The following STRA8 variants were observed in gnomAD, a reference collection of about 807,000 sequenced individuals.
The protein encoded by STRA8 is stimulated by retinoic acid 8.
STRA8 carries 18 observed loss-of-function variants against 37.1 expected under a neutral mutation model. The ratio of observed to expected loss-of-function variants is 0.48; its 90% confidence interval spans 0.34 to 0.72. The LOEUF is 0.72. Ranked by LOEUF, STRA8 falls within the 30% of genes least tolerant of loss-of-function variation. The pLI is 0.01. For missense variants in STRA8, 357 were observed against 410.4 expected (o/e 0.87, Z 1.13); for synonymous variants, 168 against 162.9 (o/e 1.03, Z -0.24).
chr7:135,258,244 T>G (rs1832729264), intron 8 of STRA8, among the ~76,000 whole-genome samples, 174 bp from the exon 9 acceptor site: 1 of 124,508 alleles, frequency 8.0e-6, no homozygotes, highest in South Asian at 2.4e-4. Context: ...AAATGGGACC[T>G]TCCCCCCTTA....
chr7:135,252,013 AGTGTGTGT>A (rs59621186), intron 7 of STRA8, 144 bp downstream of exon 7: 24 of 505,290 alleles, frequency 4.7e-5, no homozygotes, highest in Middle Eastern at 5.7e-4. Context: ...AGAGAGAGAG[AGTGTGTGT>A]GTGTGTGTGT....
At chr7:135,257,913 T>C (rs1020536721) in intron 8 of STRA8, among the ~76,000 whole-genome samples, 2 of 152,250 alleles carry the variant, frequency 1.3e-5, no homozygotes, top group Non-Finnish European at 2.9e-5. Flanking sequence ...TCCAAAGATA[T>C]TCTACAGATA....
chr7:135,245,295 TCAAA>T lies in STRA8; in HGVS notation c.364_367del (p.Asn122ValfsTer59). ...TTCTGTTTTCTTTCCCAGCCTGCTT[TCAAA>T]CAGTTTTCCTCAGAATGGTTCCTCC... On this transcript the variant is annotated frameshift_variant, in exon 5 of 9. Coordinates refer to ENST00000662584, the MANE Select transcript of STRA8 (RefSeq NM_001394401.1). LOFTEE classifies it high-confidence loss of function. 1 of 781,056 alleles carries T rather than the reference TCAAA, an allele frequency of 1.3e-6. No individual in the cohort carries two copies. Among genetic ancestry groups the T allele is most frequent in the Non-Finnish European group, 2.4e-6 (1 of 418,128 alleles). The allele number at this position is 781,056 out of a possible 1,614,324, so 48.4% of individuals were successfully genotyped here. A position where few individuals can be genotyped will look rare whatever the true frequency, so the allele number is the denominator to read the frequency against.
intron 1 of STRA8, among the ~76,000 whole-genome samples, chr7:135,239,742 G>A (rs1376291304): frequency 1.3e-5 from 2 of 152,280 alleles, no homozygotes; most frequent in South Asian, 2.1e-4. Context: ...CTTCTGGCTT[G>A]TAAGCTCAGA....
At chr7:135,254,330 C>T (rs1389657583) in intron 7 of STRA8, among the ~76,000 whole-genome samples, 1 of 152,206 alleles carries the variant, frequency 6.6e-6, no homozygotes, top group Non-Finnish European at 1.5e-5. Context: ...CCAGAGGGTT[C>T]CTCATCCCGG....
At chr7:135,258,166 G>A (rs545867531) in intron 8 of STRA8, among the ~76,000 whole-genome samples, 1 of 152,294 alleles carries the variant, frequency 6.6e-6, no homozygotes. Flanking sequence ...AAATCCCCAG[G>A]ATAAAAAAGA....
upstream of STRA8, among the ~76,000 whole-genome samples, chr7:135,232,617 C>T (rs1160316315): frequency 1.3e-5 from 2 of 151,794 alleles, no homozygotes; most frequent in South Asian, 2.1e-4. Context: ...GAACGAGAAC[C>T]TGTCTCAGGA....
intron 8 of STRA8, among the ~76,000 whole-genome samples, chr7:135,255,910 G>A (rs1174146502): frequency 6.6e-5 from 10 of 152,206 alleles, no homozygotes; most frequent in Non-Finnish European, 1.5e-4. Flanking sequence ...AAAACGCTGG[G>A]CTATTTCATC....
At chr7:135,258,013 G>A (rs1232300351) in intron 8 of STRA8, among the ~76,000 whole-genome samples, 1 of 152,220 alleles carries the variant, frequency 6.6e-6, no homozygotes, top group Non-Finnish European at 1.5e-5. Context: ...CCCACAGAGA[G>A]CACGCTGTCT....
At chr7:135,240,752 A>C in intron 2 of STRA8, 36 bp downstream of exon 2, 8 of 1,603,060 alleles carry the variant, frequency 5.0e-6, no homozygotes, top group Non-Finnish European at 5.1e-6. Flanking sequence ...GGACATCTCC[A>C]CGGGGAAGGA....
chr7:135,234,096 TGATG>T (rs1832333140), intron 1 of STRA8, among the ~76,000 whole-genome samples, 193 bp downstream of exon 1: 6 of 149,830 alleles, frequency 4.0e-5, no homozygotes, highest in South Asian at 2.1e-4. Flanking sequence ...ATGATGATGA[TGATG>T]ATGATTATTA....
At chr7:135,236,090 A>G (rs1832372611) in intron 1 of STRA8, among the ~76,000 whole-genome samples, 1 of 151,910 alleles carries the variant, frequency 6.6e-6, no homozygotes, top group Non-Finnish European at 1.5e-5. Flanking sequence ...CAATGGAGCG[A>G]GACCCTATCT....
rs191341117 is a variant in STRA8 at position 135,235,599 on chromosome 7, G to A, written c.-7+1696G>A. Among the ~76,000 whole-genome samples, 12 of 151,956 alleles carry A rather than the reference G, an allele frequency of 7.9e-5. No individual in the cohort carries two copies. In the East Asian group the frequency reaches 1.9e-3, roughly 25 times the overall value. ...TGAGATTACAGTTGCTTGCCACCACGCCAGCTAATTTTTCTATTTTTAGTA... is the reference window on the plus strand; with the variant it reads ...TGAGATTACAGTTGCTTGCCACCACACCAGCTAATTTTTCTATTTTTAGTA... On this transcript the variant is annotated intron_variant, in intron 1 of 8. Coordinates refer to ENST00000662584, the MANE Select transcript of STRA8 (RefSeq NM_001394401.1).
Position 135,254,502 on chromosome 7 carries a change from T to C in STRA8, c.954-612T>C, listed in dbSNP as rs567335178. On this transcript the variant is annotated intron_variant, in intron 7 of 8. Coordinates refer to ENST00000662584, the MANE Select transcript of STRA8 (RefSeq NM_001394401.1). ...ATGTTGCACGAGCCCCTGCCACCTT[T>C]CCTAAAGGCTGAGCTAACTCATCAT... Among the ~76,000 whole-genome samples the C allele has an allele frequency of 3.3e-5, 5 of 152,300 alleles. No homozygotes were observed. In the South Asian group the frequency reaches 1.0e-3, roughly 32 times the overall value.
At chr7:135,256,047 T>C (rs1832699860) in intron 8 of STRA8, among the ~76,000 whole-genome samples, 1 of 152,240 alleles carries the variant, frequency 6.6e-6, no homozygotes, top group Admixed American at 6.5e-5. Context: ...GGAGGGCCAT[T>C]CCTGGAAGCT....
chr7:135,252,973 C>T (rs188173629), intron 7 of STRA8, among the ~76,000 whole-genome samples: 2 of 152,022 alleles, frequency 1.3e-5, no homozygotes, highest in Non-Finnish European at 2.9e-5. Context: ...CTCACTCTGT[C>T]ACCCAGGCTG....
At chr7:135,236,177 T>G (rs1832374096) in intron 1 of STRA8, among the ~76,000 whole-genome samples, 1 of 151,618 alleles carries the variant, frequency 6.6e-6, no homozygotes, top group African/African-American at 2.4e-5. Context: ...TGCCAACACT[T>G]TAGGAGGCTG....
rs76015985 is a variant in STRA8 at position 135,255,267 on chromosome 7, C to G, written c.1065+42C>G. Reference sequence around the variant, plus strand: ...GGCCGTGGTACCTCTGCCCACCTTGCTTAGATAGCAAAAAGGGCTCTTAAG... The same window carrying G: ...GGCCGTGGTACCTCTGCCCACCTTGGTTAGATAGCAAAAAGGGCTCTTAAG... On this transcript the variant is annotated intron_variant, in intron 8 of 8. Coordinates refer to ENST00000662584, the MANE Select transcript of STRA8 (RefSeq NM_001394401.1). 466 of 1,506,526 alleles carry G rather than the reference C, an allele frequency of 3.1e-4. 3 individuals carry two copies. In the East Asian group the frequency reaches 0.01, roughly 33 times the overall value. The allele number at this position is 1,506,526 out of a possible 1,614,324, so 93.3% of individuals were successfully genotyped here.
chr7:135,246,950 T>G lies in STRA8; in HGVS notation c.879+248T>G. 2 of 451,876 alleles carry G rather than the reference T, an allele frequency of 4.4e-6. No homozygotes were observed. The highest frequency in any genetic ancestry group is 2.1e-5 in the African/African-American group (1 of 47,936). 28.0% of individuals were successfully genotyped at this position (451,876 alleles called of 1,614,324 possible). ...AGCTCTGGCTCCCGGGTTCACCTCA[T>G]TCTCCTGCCTCAGCCTCCCGAATAG... On this transcript the variant is annotated intron_variant, in intron 6 of 8. Coordinates refer to ENST00000662584, the MANE Select transcript of STRA8 (RefSeq NM_001394401.1). The surrounding 1 kb of genome is among the most constrained non-coding windows in gnomAD (Gnocchi z 5.4).
Sources: allele counts gnomAD v4.1 joint callset (sites outside exome capture counted in the v4.1 genomes callset), GRCh38; gene constraint gnomAD v4.1.1; non-coding constraint Gnocchi (gnomAD v3.1); transcripts MANE v1.5; gene names NCBI Gene and HGNC (gene_info 2026-07-23, HGNC 2026-07-21).